The following XYLT1 variants were observed in gnomAD, a reference collection of about 807,000 sequenced individuals.
The protein encoded by XYLT1 is beta-D-xylosyltransferase 1.
XYLT1 carries 36 observed loss-of-function variants against 91.3 expected under a neutral mutation model. That is an observed-to-expected ratio of 0.39 (90% CI 0.30 to 0.52). The LOEUF is 0.52. XYLT1 is among the 20% of genes least tolerant of loss of function. The pLI, the probability that XYLT1 is intolerant of heterozygous loss-of-function variation, is 0.68. For missense variants in XYLT1, 1,242 were observed against 1,284.5 expected (o/e 0.97, Z 0.51); for synonymous variants, 588 against 532.0 (o/e 1.11, Z -1.45).
intron 3 of XYLT1, 63 bp downstream of exon 3, chr16:17,258,925 G>A (rs2033676331): frequency 6.9e-7 from 1 of 1,457,762 alleles, no homozygotes; most frequent in East Asian, 2.3e-5. Context: ...AGCAGAATGG[G>A]GCTGGGCAGG....
At chr16:17,299,149 G>A (rs757906007) in intron 2 of XYLT1, among the ~76,000 whole-genome samples, 21 of 152,076 alleles carry the variant, frequency 1.4e-4, no homozygotes, top group East Asian at 3.9e-4. Context: ...AATATTTGTG[G>A]AATGAATGCC....
At chr16:17,351,829 T>G (rs571541416) in intron 2 of XYLT1, among the ~76,000 whole-genome samples, 1 of 151,930 alleles carries the variant, frequency 6.6e-6, no homozygotes, top group East Asian at 1.9e-4. Context: ...AGTAGCATCC[T>G]TCACCCCGAA....
At chr16:17,431,907 G>C (rs2036396950) in intron 1 of XYLT1, among the ~76,000 whole-genome samples, 2 of 152,224 alleles carry the variant, frequency 1.3e-5, no homozygotes, top group African/African-American at 4.8e-5. Context: ...TCCTTCTGGG[G>C]TCTGGAAGCT....
At chr16:17,175,109 T>C (rs1464341720) in intron 5 of XYLT1, among the ~76,000 whole-genome samples, 1 of 152,194 alleles carries the variant, frequency 6.6e-6, no homozygotes, top group Non-Finnish European at 1.5e-5. Flanking sequence ...TTTATTTTTA[T>C]GCCACAATAA....
At chr16:17,266,326 A>T (rs1481273717) in intron 2 of XYLT1, among the ~76,000 whole-genome samples, 1 of 152,218 alleles carries the variant, frequency 6.6e-6, no homozygotes, top group African/African-American at 2.4e-5. Flanking sequence ...CAAGCATAGA[A>T]GATAGTGCCT....
intron 3 of XYLT1, among the ~76,000 whole-genome samples, chr16:17,245,220 T>C (rs1426227069): frequency 6.6e-6 from 1 of 152,206 alleles, no homozygotes; most frequent in African/African-American, 2.4e-5. Flanking sequence ...ACAAGCATCC[T>C]TTCTGCATTA....
At chr16:17,120,521 G>T (rs541645608) in intron 10 of XYLT1, among the ~76,000 whole-genome samples, 1 of 151,864 alleles carries the variant, frequency 6.6e-6, no homozygotes, top group Admixed American at 6.6e-5. Context: ...ACCTTTCCCC[G>T]CATCCTCCAG....
At position 17,281,182 on chromosome 16, in the gene XYLT1, G is replaced by A. The variant is rs536875344; in HGVS notation, c.403-21684C>T. Among the ~76,000 whole-genome samples, 5 of 152,276 alleles carry A rather than the reference G, an allele frequency of 3.3e-5. No homozygotes were observed. In the East Asian group the frequency reaches 5.8e-4, roughly 18 times the overall value. ...GCTGGCCTGCAGCATCCAGGGGAGCGGCTGAAGGACAGGTACTAGAGCTGG... is the reference window on the plus strand; with the variant it reads ...GCTGGCCTGCAGCATCCAGGGGAGCAGCTGAAGGACAGGTACTAGAGCTGG... On this transcript the variant is annotated intron_variant, in intron 2 of 11. Transcript: ENST00000261381.
intron 3 of XYLT1, among the ~76,000 whole-genome samples, chr16:17,228,506 G>A (rs191260695): frequency 1.2e-3 from 189 of 152,238 alleles, no homozygotes; most frequent in African/African-American, 4.3e-3. Flanking sequence ...AGGGGAGGAG[G>A]TGACTGCTGT....
chr16:17,409,535 G>T (rs376299059), intron 1 of XYLT1, among the ~76,000 whole-genome samples: 17 of 146,526 alleles, frequency 1.2e-4, no homozygotes, highest in African/African-American at 4.0e-4. Flanking sequence ...TGGTTTTGAA[G>T]TATTGAGACA....
intron 2 of XYLT1, among the ~76,000 whole-genome samples, chr16:17,261,562 C>T (rs1238334186): frequency 6.6e-6 from 1 of 152,180 alleles, no homozygotes; most frequent in Admixed American, 6.5e-5. Flanking sequence ...ACCCATCACC[C>T]AAAACCCTTA....
At chr16:17,290,378 T>C (rs2141797263) in intron 2 of XYLT1, among the ~76,000 whole-genome samples, 1 of 152,374 alleles carries the variant, frequency 6.6e-6, no homozygotes, top group South Asian at 2.1e-4. Context: ...TAAATTCTAT[T>C]TCCAAGAACC....
At chr16:17,237,088 T>C (rs776654724) in intron 3 of XYLT1, among the ~76,000 whole-genome samples, 9 of 152,176 alleles carry the variant, frequency 5.9e-5, no homozygotes, top group Non-Finnish European at 1.3e-4. Context: ...TAAAGAACAA[T>C]GTTCAGGTGA....
Position 17,103,794 on chromosome 16 carries a change from T to C in XYLT1, c.*4901A>G, listed in dbSNP as rs1001521631. ...GAAGAGAGGTCACTTTCTCCCTGCA[T>C]ACGCCTGGTAAGACCAGAGCCAAAG... On this transcript the variant is annotated 3_prime_UTR_variant, in exon 12 of 12. Coordinates refer to ENST00000261381, the MANE Select transcript of XYLT1 (RefSeq NM_022166.4). 1.3e-5 allele frequency: 2 copies of C among 152,156 alleles called. No homozygotes were observed. The highest frequency in any genetic ancestry group is 4.8e-5 in the African/African-American group (2 of 41,388). 9.4% of individuals were successfully genotyped at this position (152,156 alleles called of 1,614,324 possible).
chr16:17,170,015 C>T lies in XYLT1; in HGVS notation c.1290-11106G>A, dbSNP rs139942078. ...TCTCTGCTCCTTGCCACTTTCTTGC[C>T]GTTTGATTTTTAGCAAGTTCCTCAG... On this transcript the variant is annotated intron_variant, in intron 5 of 11. Transcript: ENST00000261381. 5.8e-3 allele frequency among the ~76,000 whole-genome samples: 890 copies of T among 152,198 alleles called. 2 individuals carry two copies. The highest frequency in any genetic ancestry group is 0.024 in the Middle Eastern group (7 of 294).
At chr16:17,244,698 T>C (rs149515610) in intron 3 of XYLT1, among the ~76,000 whole-genome samples, 122 of 152,330 alleles carry the variant, frequency 8.0e-4, no homozygotes, top group African/African-American at 2.8e-3. Flanking sequence ...GTACTAGTTA[T>C]GTACATCTTT....
At chr16:17,443,589 CTT>C (rs555761751) in intron 1 of XYLT1, among the ~76,000 whole-genome samples, 2 of 152,298 alleles carry the variant, frequency 1.3e-5, no homozygotes, top group South Asian at 4.1e-4. Context: ...AATTAAACCT[CTT>C]TTGTTTATAA....
intron 3 of XYLT1, among the ~76,000 whole-genome samples, chr16:17,201,694 CG>C (rs2032546071): frequency 6.6e-6 from 1 of 151,908 alleles, no homozygotes; most frequent in South Asian, 2.1e-4. Context: ...AGGCTGGTCT[CG>C]GAACTCCTGA....
intron 10 of XYLT1, among the ~76,000 whole-genome samples, chr16:17,120,998 C>A (rs1200451220): frequency 1.3e-5 from 2 of 152,178 alleles, no homozygotes; most frequent in Non-Finnish European, 2.9e-5. Flanking sequence ...CGTATCCACC[C>A]ATCTGTCTGT....
Sources: gnomAD v4.1 joint callset for allele counts (sites outside exome capture counted in the v4.1 genomes callset) on GRCh38, gnomAD v4.1.1 for gene constraint, MANE v1.5 for transcripts, NCBI Gene and HGNC (gene_info 2026-07-23, HGNC 2026-07-21) for gene names.